Variants in POLR2F observed in about 807,000 individuals in gnomAD.
POLR2F encodes RNA polymerase II, I and III subunit F, also known as DNA-directed RNA polymerases I, II, and III subunit RPABC2.
A neutral mutation model predicts 22.7 loss-of-function variants in POLR2F; 12 were observed. The ratio of observed to expected loss-of-function variants is 0.53; its 90% CI spans 0.34 to 0.86. The LOEUF is 0.86. Among genes scored for constraint, POLR2F ranks in the 40% least tolerant of loss-of-function variants. The pLI is 0.02. For missense variants in POLR2F, 126 were observed against 171.5 expected (o/e 0.73, Z 1.48); for synonymous variants, 57 against 66.0 (o/e 0.86, Z 0.66).
intron 5 of POLR2F, among the ~76,000 whole-genome samples, chr22:38,038,767 C>A (rs946446715): frequency 1.3e-5 from 2 of 151,806 alleles, no homozygotes; most frequent in African/African-American, 4.8e-5. Flanking sequence ...CCCGGCCCCC[C>A]ACCCACCCAA....
chr22:38,007,500 GTGGAAGGACACTGGAGGAGC>G (rs1403575894), intron 1 of POLR2F, among the ~76,000 whole-genome samples: 1 of 152,260 alleles, frequency 6.6e-6, no homozygotes, highest in Non-Finnish European at 1.5e-5. Flanking sequence ...AGCCTGGGAG[GTGGAAGGACACTGGAGGAGC>G]TGGCGGTGGA....
rs2084925243 is a variant in POLR2F at position 38,017,491 on chromosome 22, T to C, written c.121-8378T>C. Among the ~76,000 whole-genome samples, 1 of 152,176 alleles carries C rather than the reference T, an allele frequency of 6.6e-6. No homozygotes were observed. Among genetic ancestry groups the C allele is most frequent in the Non-Finnish European group, 1.5e-5 (1 of 68,020 alleles). On this transcript the variant is annotated intron_variant, in intron 1 of 2. Coordinates refer to the POLR2F transcript ENST00000333418. The surrounding 1 kb of genome is among the most constrained non-coding windows in gnomAD (Gnocchi z 4.1). ...AAGGGCTCCCAAGTTGTTCGCCATC[T>C]CTGGGCCTGTGGGTGTCTCCCTCTT...
rs111866801 is a variant in POLR2F at position 37,974,836 on chromosome 22, C to T, written c.293+7666C>T. Among the ~76,000 whole-genome samples the T allele has an allele frequency of 6.6e-3, 1,011 of 152,314 alleles. 12 individuals carry two copies. The highest frequency in any genetic ancestry group is 0.023 in the African/African-American group (952 of 41,562). On this transcript the variant is annotated intron_variant, in intron 4 of 4. Coordinates refer to the POLR2F transcript ENST00000405557. This position sits in a 1 kb window ranked among gnomAD's most constrained non-coding sequence, Gnocchi z 5.4. ...GGCCCAGCCTTTGCGCTCTGCCAGC[C>T]CCGCTTCCACACCCATGCCTACTGT...
chr22:37,971,346 T>C (rs756170252), downstream of POLR2F: 5 of 470,220 alleles, frequency 1.1e-5, no homozygotes, highest in South Asian at 7.8e-5. Context: ...CTGGCCTGAA[T>C]GACATAAAAC....
At chr22:38,023,048 C>T (rs1470068632) in intron 1 of POLR2F, among the ~76,000 whole-genome samples, 2 of 152,140 alleles carry the variant, frequency 1.3e-5, no homozygotes, top group Admixed American at 1.3e-4. Flanking sequence ...AACAAAGAAA[C>T]AGAAATAAGC....
intron 1 of POLR2F, among the ~76,000 whole-genome samples, chr22:38,014,718 C>T (rs1259700801): frequency 3.3e-5 from 5 of 150,916 alleles, no homozygotes; most frequent in Non-Finnish European, 7.4e-5. Flanking sequence ...CTCTTGACCT[C>T]GTGATCTATC....
chr22:37,997,859 T>G lies in POLR2F; in HGVS notation c.120+11547T>G, dbSNP rs986631260. 2.0e-5 allele frequency among the ~76,000 whole-genome samples: 3 copies of G among 152,100 alleles called. No homozygotes were observed. Among genetic ancestry groups the G allele is most frequent in the Non-Finnish European group, 4.4e-5 (3 of 68,004 alleles). ...AGGGGGGACAGGCAGGAGGTAAGGA[T>G]GCGTCCGAGCCTCCCTAGGACACGA... On this transcript the variant is annotated intron_variant, in intron 1 of 2. Transcript: ENST00000333418. The surrounding 1 kb of genome is among the most constrained non-coding windows in gnomAD (Gnocchi z 4.4).
chr22:38,022,278 A>C (rs1331099748), intron 1 of POLR2F, among the ~76,000 whole-genome samples: 1 of 151,924 alleles, frequency 6.6e-6, no homozygotes, highest in African/African-American at 2.4e-5. Context: ...CTGGCTGGGC[A>C]TGGTGGCTCA....
At chr22:38,026,251 C>T (rs191298159) in intron 2 of POLR2F, 5 of 533,068 alleles carry the variant, frequency 9.4e-6, no homozygotes, top group Non-Finnish European at 1.9e-5. Context: ...CACTCAATTT[C>T]CCTCTCTTTC....
At position 37,978,368 on chromosome 22, in the gene POLR2F, G is replaced by A. The variant is rs992292424; in HGVS notation, c.293+11198G>A. ...CTGCCCCCAAATCTTTCATGGGCTG[G>A]AGGGTGAGAGAGGGGTCAGCCCGCT... On this transcript the variant is annotated intron_variant, in intron 4 of 4. Transcript: ENST00000405557. The surrounding 1 kb of genome is among the most constrained non-coding windows in gnomAD (Gnocchi z 5.0). Among the ~76,000 whole-genome samples, 1 of 152,264 alleles carries A rather than the reference G, an allele frequency of 6.6e-6. No homozygotes were observed. The highest frequency in any genetic ancestry group is 1.5e-5 in the Non-Finnish European group (1 of 68,042).
chr22:37,994,697 T>A (rs1280310861), intron 1 of POLR2F, among the ~76,000 whole-genome samples: 1 of 152,192 alleles, frequency 6.6e-6, no homozygotes, highest in Non-Finnish European at 1.5e-5. Flanking sequence ...TTTTTATATT[T>A]TTAATAGAGA....
chr22:37,986,277 G>T lies in POLR2F; in HGVS notation c.87G>T (p.Pro29=). 1 of 1,538,602 alleles carries T rather than the reference G, an allele frequency of 6.5e-7. No individual in the cohort carries two copies. Among genetic ancestry groups the T allele is most frequent in the South Asian group, 1.2e-5 (1 of 83,986 alleles). Residue 29 remains proline (P), a synonymous_variant, in exon 1 of 3, where the codon CCG becomes CCT. Transcript: ENST00000333418. The surrounding 1 kb of genome is among the most constrained non-coding windows in gnomAD (Gnocchi z 4.7). ...TCGCCTCCAACACCCGCTGCTGCCCGCCCGCTGCCTGCCTGCCTGGCATCT... is the reference window on the plus strand; with the variant it reads ...TCGCCTCCAACACCCGCTGCTGCCCTCCCGCTGCCTGCCTGCCTGGCATCT...
chr22:38,012,148 G>A (rs1008543000), intron 1 of POLR2F, among the ~76,000 whole-genome samples: 2 of 147,238 alleles, frequency 1.4e-5, no homozygotes, highest in African/African-American at 5.0e-5. Context: ...GTGGCACAAT[G>A]TTGGCTCACT....
downstream of POLR2F, chr22:37,971,302 G>T (rs1192420573): frequency 2.1e-6 from 1 of 470,908 alleles, no homozygotes; most frequent in African/African-American, 2.0e-5. Context: ...TCCCCATCTG[G>T]AAAATTGAGA....
At chr22:37,964,024 C>A (rs1447544333) in intron 3 of POLR2F, among the ~76,000 whole-genome samples, 1 of 151,894 alleles carries the variant, frequency 6.6e-6, no homozygotes, top group Non-Finnish European at 1.5e-5. Flanking sequence ...ATCGCTTGAA[C>A]CTGGGAGGCG....
In POLR2F at chr22:37,968,189, C is replaced by T. The variant is rs146409339; in HGVS notation, c.*474C>T. 6.6e-4 allele frequency: 655 copies of T among 985,502 alleles called. 4 individuals carry two copies. The African/African-American group carries it at 0.011, about 16-fold the overall frequency. 61.0% of individuals were successfully genotyped at this position (985,502 alleles called of 1,614,324 possible). The stretch of plus-strand genomic sequence containing the variant: ...TAAGGACCTGCTTCGAGCCTCTTAT[C>T]GTGGGCTCGGATCCCCTTTCAGGAG... On this transcript the variant is annotated 3_prime_UTR_variant, in exon 5 of 5. Transcript: ENST00000442738.
In POLR2F at chr22:38,001,932, A is replaced by G. The variant is rs549771905; in HGVS notation, c.120+15620A>G. Among the ~76,000 whole-genome samples, 11 of 151,958 alleles carry G rather than the reference A, an allele frequency of 7.2e-5. No individual in the cohort carries two copies. The East Asian group carries it at 1.2e-3, about 16-fold the overall frequency. On this transcript the variant is annotated intron_variant, in intron 1 of 2. Transcript: ENST00000333418. ...AACCTCTGCCTCCTGGGCTCAAGCA[A>G]TTCTCCCACTTCCGCCTCCTGAGTA...
chr22:38,027,588 A>G (rs1452584256), downstream of POLR2F, among the ~76,000 whole-genome samples: 2 of 152,058 alleles, frequency 1.3e-5, no homozygotes, highest in African/African-American at 4.8e-5. Flanking sequence ...GGCCTGTCAC[A>G]GCTCCCGATC....
Position 38,007,267 on chromosome 22 carries a change from C to G in POLR2F, c.121-18602C>G, listed in dbSNP as rs3026663. Among the ~76,000 whole-genome samples, 3 of 152,190 alleles carry G rather than the reference C, an allele frequency of 2.0e-5. No individual in the cohort carries two copies. The South Asian group carries it at 6.2e-4, about 32-fold the overall frequency. ...GTCTCCTGATAGCAGCCACCCAGGA[C>G]TGCCCAGGGTGGTGGGAACCTTTCA... On this transcript the variant is annotated intron_variant, in intron 1 of 2. Coordinates refer to the POLR2F transcript ENST00000333418.
Sources: allele counts gnomAD v4.1 joint callset (sites outside exome capture counted in the v4.1 genomes callset), GRCh38; gene constraint gnomAD v4.1.1; non-coding constraint Gnocchi (gnomAD v3.1); transcripts MANE v1.5; gene names NCBI Gene and HGNC (gene_info 2026-07-23, HGNC 2026-07-21).